The following SCAF4 variants were observed in gnomAD, a reference collection of about 807,000 sequenced individuals.
SCAF4 encodes the protein SR-related CTD associated factor 4, also known as SR-related and CTD-associated factor 4.
SCAF4 carries 25 observed loss-of-function variants against 129.8 expected under a neutral mutation model. That is an observed-to-expected ratio of 0.19 (90% CI 0.14 to 0.27). The LOEUF is 0.27. Ranked by LOEUF, SCAF4 falls within the 10% of genes least tolerant of loss-of-function variation. SCAF4 has a pLI of 1.00. For missense variants in SCAF4, 1,246 were observed against 1,457.1 expected (o/e 0.86, Z 2.36); for synonymous variants, 551 against 497.7 (o/e 1.11, Z -1.43).
intron 1 of SCAF4, among the ~76,000 whole-genome samples, chr21:31,717,432 T>A (rs1402573704): frequency 6.6e-6 from 1 of 152,146 alleles, no homozygotes; most frequent in Non-Finnish European, 1.5e-5. Context: ...ATCTACTAAT[T>A]CAAATTTATC....
At chr21:31,682,094 G>A (rs746621201) in intron 19 of SCAF4, among the ~76,000 whole-genome samples, 2 of 152,086 alleles carry the variant, frequency 1.3e-5, no homozygotes, top group Non-Finnish European at 2.9e-5. Context: ...AATCTATCTC[G>A]AAAATATCTG....
At chr21:31,704,363 A>T (rs537037638) in intron 3 of SCAF4, among the ~76,000 whole-genome samples, 2 of 152,240 alleles carry the variant, frequency 1.3e-5, no homozygotes, top group South Asian at 4.1e-4. Flanking sequence ...TAAAAACAAG[A>T]AGTAGTTTTT....
At chr21:31,717,868 CACAT>C (rs1392678842) in intron 1 of SCAF4, among the ~76,000 whole-genome samples, 19 of 121,024 alleles carry the variant, frequency 1.6e-4, no homozygotes, top group African/African-American at 3.5e-4. Flanking sequence ...CACACACACA[CACAT>C]ATACACATAT....
chr21:31,728,321 T>G (rs753202613), intron 1 of SCAF4, among the ~76,000 whole-genome samples: 2 of 152,116 alleles, frequency 1.3e-5, no homozygotes, highest in African/African-American at 2.4e-5. Flanking sequence ...TTAAGCAACA[T>G]TTCCCTCTAA....
intron 1 of SCAF4, among the ~76,000 whole-genome samples, chr21:31,722,759 C>G (rs1476696981): frequency 6.6e-6 from 1 of 151,710 alleles, no homozygotes. Flanking sequence ...TCAGGACCAG[C>G]CTGGCCAACA....
intron 12 of SCAF4, among the ~76,000 whole-genome samples, chr21:31,692,650 T>C (rs2050286443): frequency 6.6e-6 from 1 of 152,210 alleles, no homozygotes; most frequent in Non-Finnish European, 1.5e-5. Context: ...TAGTGAAAGA[T>C]ATACATAAAA....
Position 31,701,076 on chromosome 21 carries a change from A to G in SCAF4, c.696T>C (p.Ala232=). The G allele has an allele frequency of 6.2e-7, 1 of 1,614,080 alleles. No homozygotes were observed. Among genetic ancestry groups the G allele is most frequent in the Non-Finnish European group, 8.5e-7 (1 of 1,180,010 alleles). ...GTTGTGTAGGAGTTGTCTTTAACTG[A>G]GCTGTGATAGCCTGAACCTGAGCCA... The part of the protein sequence containing the change: ...AVMAQVQAIT[A]QLKTTPTQPS... Residue 232 remains alanine, a synonymous_variant, in exon 7 of 20, where the codon GCT becomes GCC. Transcript: ENST00000286835.
Position 31,685,594 on chromosome 21 carries a change from C to A in SCAF4, c.2183G>T (p.Gly728Val), listed in dbSNP as rs1028117707. The change falls in exon 17 of 20, where the codon GGA (glycine) becomes GTA (valine). Residue 728 changes from glycine to valine, a missense_variant. By Grantham distance (109) the Gly-to-Val change is moderately radical. Around this residue, in one of 6 missense-constraint regions of SCAF4, gnomAD observed 468 missense variants for 605.5 expected, o/e 0.77. Transcript: ENST00000286835. Reference protein sequence around the residue: ...PPPPPPFLRPGFNPMHLPPGF... With the variant: ...PPPPPPFLRPVFNPMHLPPGF... ...TGGTGGTAAATGCATTGGGTTGAAT[C>A]CTGGGCGCAAAAATGGTGGAGGAGG... is the stretch of plus-strand genomic sequence containing the variant. 1 of 1,613,960 alleles carries A rather than the reference C, an allele frequency of 6.2e-7. No homozygotes were observed. The highest frequency in any genetic ancestry group is 8.5e-7 in the Non-Finnish European group (1 of 1,179,996).
At chr21:31,690,487 T>A (rs1360606349) in intron 15 of SCAF4, among the ~76,000 whole-genome samples, 1 of 151,744 alleles carries the variant, frequency 6.6e-6, no homozygotes, top group African/African-American at 2.4e-5. Flanking sequence ...CCTCAAAAAA[T>A]AAATAAAAAA....
chr21:31,696,914 C>A (rs1160187226), intron 7 of SCAF4, among the ~76,000 whole-genome samples, 164 bp from the exon 8 acceptor site: 1 of 152,122 alleles, frequency 6.6e-6, no homozygotes, highest in Non-Finnish European at 1.5e-5. Flanking sequence ...TAGATATAAA[C>A]AATTTTTACA....
chr21:31,713,819 T>G (rs148118207), intron 1 of SCAF4, among the ~76,000 whole-genome samples: 232 of 152,252 alleles, frequency 1.5e-3, no homozygotes, highest in African/African-American at 5.3e-3. Context: ...CAATCAAGTT[T>G]AGATACACAT....
intron 19 of SCAF4, among the ~76,000 whole-genome samples, chr21:31,673,318 G>T (rs940740494): frequency 5.9e-5 from 9 of 152,156 alleles, no homozygotes; most frequent in Non-Finnish European, 1.3e-4. Context: ...ATGATTGAAA[G>T]GAGTTATTCT....
chr21:31,685,624 G>A lies in SCAF4; in HGVS notation c.2153C>T (p.Pro718Leu). 1.9e-6 allele frequency: 3 copies of A among 1,614,128 alleles called. No individual in the cohort carries two copies. Among genetic ancestry groups the A allele is most frequent in the Non-Finnish European group, 1.7e-6 (2 of 1,180,020 alleles). ...GCGCAAAAATGGTGGAGGAGGAGGGGGAGGAGGAACACCAGGACCAAAGCC... is the reference window on the plus strand; with the variant it reads ...GCGCAAAAATGGTGGAGGAGGAGGGAGAGGAGGAACACCAGGACCAAAGCC... ...PPGFGPGVPP[P>L]PPPPPFLRPG... Residue 718 changes from proline (P) to leucine (L), a missense_variant, in exon 17 of 20, where the codon CCC becomes CTC. Pro to Leu is a moderately conservative substitution (Grantham distance 98). This residue lies in a region of SCAF4 where 468 missense variants were observed against 605.5 expected (regional missense o/e 0.77). Coordinates refer to ENST00000286835, the MANE Select transcript of SCAF4 (RefSeq NM_020706.2).
intron 1 of SCAF4, among the ~76,000 whole-genome samples, chr21:31,723,108 T>C (rs1171068890): frequency 6.6e-6 from 1 of 152,252 alleles, no homozygotes; most frequent in African/African-American, 2.4e-5. Flanking sequence ...TACAACATTT[T>C]GTAATTAAAA....
At chr21:31,685,001 G>GGGGGGT in intron 19 of SCAF4, 48 bp downstream of exon 19, 2 of 339,262 alleles carry the variant, frequency 5.9e-6, no homozygotes, top group South Asian at 5.8e-5. Context: ...TGGGGGGGTG[G>GGGGGGT]GGGGGGGGTG....
At position 31,694,977 on chromosome 21, in the gene SCAF4, G is replaced by A; in HGVS notation, c.1072C>T (p.Pro358Ser). Residue 358 changes from proline to serine, a missense_variant, in exon 10 of 20, where the codon CCA (proline) becomes TCA (serine). By Grantham distance (74) the Pro-to-Ser change is moderately conservative. Coordinates refer to ENST00000286835, the MANE Select transcript of SCAF4 (RefSeq NM_020706.2). ...GGCATTTGTCCATTAGGAGGAAGTGGAACCTTTCATTTTTAAAGAAAGTGT... is the reference window on the plus strand; with the variant it reads ...GGCATTTGTCCATTAGGAGGAAGTGAAACCTTTCATTTTTAAAGAAAGTGT... Reference protein sequence around the residue: ...IQQDPMHHQVPLPPNGQMPGF... With the variant: ...IQQDPMHHQVSLPPNGQMPGF... 1 of 1,612,620 alleles carries A rather than the reference G, an allele frequency of 6.2e-7. No individual in the cohort carries two copies. Among genetic ancestry groups the A allele is most frequent in the South Asian group, 1.1e-5 (1 of 90,858 alleles).
rs1427026604 is a variant in SCAF4, at chr21:31,732,096, G to C, written c.-404C>G. On this transcript the variant is annotated 5_prime_UTR_variant, in exon 1 of 20. Coordinates refer to ENST00000286835, the MANE Select transcript of SCAF4 (RefSeq NM_020706.2). ...CAGCGGGATGGCGGCAGCGGCCCGA[G>C]TCCACGCCGCGCGGGGCACCCTGGG... is the stretch of plus-strand genomic sequence containing the variant. 7 of 408,344 alleles carry C rather than the reference G, an allele frequency of 1.7e-5. No individual in the cohort carries two copies. Among genetic ancestry groups the C allele is most frequent in the Non-Finnish European group, 3.0e-5 (7 of 233,426 alleles). The allele number at this position is 408,344 out of a possible 1,614,324, so 25.3% of individuals were successfully genotyped here. A position where few individuals can be genotyped will look rare whatever the true frequency, so the allele number is the denominator to read the frequency against.
intron 1 of SCAF4, among the ~76,000 whole-genome samples, chr21:31,723,629 T>TGTGCGCGC (rs1271033175): frequency 2.0e-5 from 3 of 149,074 alleles, no homozygotes; most frequent in African/African-American, 7.4e-5. Flanking sequence ...TGTGTGTGTG[T>TGTGCGCGC]GCGCGCGCGC....
At chr21:31,720,891 CTAGA>C (rs1214849920) in intron 1 of SCAF4, among the ~76,000 whole-genome samples, 2 of 152,284 alleles carry the variant, frequency 1.3e-5, no homozygotes, top group East Asian at 3.9e-4. Flanking sequence ...GCAGAGGCCG[CTAGA>C]TAGTTTTCAT....
Sources: gnomAD v4.1 joint callset for allele counts (sites outside exome capture counted in the v4.1 genomes callset) on GRCh38, gnomAD v4.1.1 for gene constraint, gnomAD v4.1.1 regional missense constraint, MANE v1.5 for transcripts, NCBI Gene and HGNC (gene_info 2026-07-23, HGNC 2026-07-21) for gene names.